Variants in CADPS2 observed in about 807,000 individuals in gnomAD.
CADPS2 encodes the protein calcium-dependent secretion activator 2.
CADPS2 carries 93 observed loss-of-function variants against 172.5 expected under a neutral mutation model. The observed-to-expected ratio is 0.54, with a 90% CI of 0.46 to 0.64. The LOEUF (loss-of-function observed/expected upper bound fraction) is 0.64, where lower values mean the gene tolerates loss of function less well. Ranked by LOEUF, CADPS2 falls within the 30% of genes least tolerant of loss-of-function variation. CADPS2 has a pLI of 0.00. For synonymous variants in CADPS2, 546 were observed against 555.2 expected, an observed-to-expected ratio of 0.98 and a Z score of 0.23; for missense variants, 1,420 against 1,565.9, an observed-to-expected ratio of 0.91 and a Z score of 1.57.
chr7:122,464,374 T>C (rs2054867318), intron 14 of CADPS2, among the ~76,000 whole-genome samples: 1 of 152,146 alleles, frequency 6.6e-6, no homozygotes, highest in Non-Finnish European at 1.5e-5. Context: ...AATGGTTAAA[T>C]AAATAAATTG....
At chr7:122,564,868 C>CACAT (rs1250847965) in intron 7 of CADPS2, among the ~76,000 whole-genome samples, 1 of 151,506 alleles carries the variant, frequency 6.6e-6, no homozygotes, top group Non-Finnish European at 1.5e-5. Context: ...CACACACACA[C>CACAT]ACACACACAA....
At chr7:122,843,575 A>G (rs1248568455) in intron 1 of CADPS2, among the ~76,000 whole-genome samples, 1 of 152,216 alleles carries the variant, frequency 6.6e-6, no homozygotes, top group Non-Finnish European at 1.5e-5. Context: ...TGAGTTCTCA[A>G]ACAATGAGTC....
At position 122,569,087 on chromosome 7, in the gene CADPS2, A is replaced by T. The variant is rs1482894526; in HGVS notation, c.1335+12092T>A. Among the ~76,000 whole-genome samples, 5 of 152,194 alleles carry T rather than the reference A, an allele frequency of 3.3e-5. No individual in the cohort carries two copies. The East Asian group carries it at 9.6e-4, about 29-fold the overall frequency. Reference sequence around the variant, plus strand: ...ATCCAATTAGGAAAAGAGGAAGTCAAATTGTCCCTGTTTGCAGACGACATG... The same window carrying T: ...ATCCAATTAGGAAAAGAGGAAGTCATATTGTCCCTGTTTGCAGACGACATG... On this transcript the variant is annotated intron_variant, in intron 7 of 29. Coordinates refer to ENST00000449022, the MANE Select transcript of CADPS2 (RefSeq NM_017954.11).
intron 25 of CADPS2, among the ~76,000 whole-genome samples, chr7:122,367,550 T>TA: frequency 6.9e-6 from 1 of 144,290 alleles, no homozygotes; most frequent in East Asian, 2.1e-4. Context: ...TTTTTTTTTT[T>TA]TTTTTTTTTT....
chr7:122,329,461 C>T (rs964511893), intron 28 of CADPS2, among the ~76,000 whole-genome samples: 5 of 152,116 alleles, frequency 3.3e-5, no homozygotes, highest in African/African-American at 9.7e-5. Flanking sequence ...GTCCCAGACT[C>T]GGCAATTTTC....
chr7:122,702,012 CTTCT>C (rs1199635977), intron 2 of CADPS2: 2 of 1,613,588 alleles, frequency 1.2e-6, no homozygotes, highest in African/African-American at 1.3e-5. Context: ...TCCTCATCCC[CTTCT>C]TTGAGAACTC....
At chr7:122,364,784 A>G (rs2040643625) in intron 25 of CADPS2, among the ~76,000 whole-genome samples, 1 of 152,072 alleles carries the variant, frequency 6.6e-6, no homozygotes, top group Non-Finnish European at 1.5e-5. Flanking sequence ...ATGAGTACCT[A>G]GGATAAGACA....
chr7:122,548,927 A>G (rs1356882514), intron 8 of CADPS2, among the ~76,000 whole-genome samples: 1 of 152,222 alleles, frequency 6.6e-6, no homozygotes, highest in South Asian at 2.1e-4. Flanking sequence ...ATCTACATCC[A>G]TAATAGCTGT....
chr7:122,342,794 C>T (rs1327386378), intron 28 of CADPS2, among the ~76,000 whole-genome samples: 4 of 152,068 alleles, frequency 2.6e-5, no homozygotes, highest in Admixed American at 1.3e-4. Flanking sequence ...CATTTACTTA[C>T]TTATATAGGA....
chr7:122,816,168 A>T (rs1381259131), intron 1 of CADPS2, among the ~76,000 whole-genome samples: 3 of 99,666 alleles, frequency 3.0e-5, no homozygotes, highest in Admixed American at 1.1e-4. Context: ...ATCTTTCCCC[A>T]CCCCCACCCA....
chr7:122,652,546 T>C (rs2079275954), intron 3 of CADPS2, among the ~76,000 whole-genome samples: 1 of 152,224 alleles, frequency 6.6e-6, no homozygotes, highest in Non-Finnish European at 1.5e-5. Context: ...AAAATTAAAC[T>C]TTCCACTGAC....
chr7:122,784,280 C>T lies in CADPS2; in HGVS notation c.340-47212G>A, dbSNP rs535454331. 3.9e-5 allele frequency among the ~76,000 whole-genome samples: 6 copies of T among 152,280 alleles called. No individual in the cohort carries two copies. In the South Asian group the frequency reaches 8.3e-4, roughly 21 times the overall value. ...TATTCACCATTCCCAACTTTCAGGT[C>T]GTTGGGTACTGTTTACTTTTAGATT... is the stretch of plus-strand genomic sequence containing the variant. On this transcript the variant is annotated intron_variant, in intron 1 of 29. Transcript: ENST00000449022.
At chr7:122,821,942 C>T (rs1486197982) in intron 1 of CADPS2, among the ~76,000 whole-genome samples, 1 of 152,090 alleles carries the variant, frequency 6.6e-6, no homozygotes, top group Non-Finnish European at 1.5e-5. Flanking sequence ...CAGTCTCATT[C>T]CAGACACCAG....
intron 15 of CADPS2, among the ~76,000 whole-genome samples, chr7:122,448,083 C>T (rs1047866747): frequency 2.0e-5 from 3 of 152,084 alleles, no homozygotes; most frequent in African/African-American, 7.2e-5. Flanking sequence ...CTCCTCACAT[C>T]AAAATGAAAG....
At chr7:122,618,299 T>G (rs1460395628) in intron 5 of CADPS2, among the ~76,000 whole-genome samples, 3 of 152,274 alleles carry the variant, frequency 2.0e-5, no homozygotes, top group South Asian at 4.1e-4. Context: ...ATTTATTGAG[T>G]CAATTGTGTG....
At chr7:122,795,964 T>A (rs536807919) in intron 1 of CADPS2, among the ~76,000 whole-genome samples, 1 of 152,036 alleles carries the variant, frequency 6.6e-6, no homozygotes, top group Non-Finnish European at 1.5e-5. Context: ...GAAAACCCCA[T>A]AGCATCAGCC....
At chr7:122,664,059 A>T (rs2080905980) in intron 2 of CADPS2, among the ~76,000 whole-genome samples, 1 of 131,030 alleles carries the variant, frequency 7.6e-6, no homozygotes. Flanking sequence ...ACCATTGTTT[A>T]TAAGCAAAAA....
At chr7:122,320,992 CATTTTTTCTT>C (rs2032334312) in intron 29 of CADPS2, among the ~76,000 whole-genome samples, 2 of 152,182 alleles carry the variant, frequency 1.3e-5, no homozygotes, top group South Asian at 4.1e-4. Context: ...CAAGTATTTA[CATTTTTTCTT>C]AAAAGAATAC....
chr7:122,768,443 G>A (rs548988209), intron 1 of CADPS2, among the ~76,000 whole-genome samples: 2 of 152,212 alleles, frequency 1.3e-5, no homozygotes, highest in South Asian at 2.1e-4. Flanking sequence ...AAATATGGGA[G>A]GCAAATATAT....
Sources: allele counts gnomAD v4.1 joint callset (sites outside exome capture counted in the v4.1 genomes callset), GRCh38; gene constraint gnomAD v4.1.1; transcripts MANE v1.5; gene names NCBI Gene and HGNC (gene_info 2026-07-23, HGNC 2026-07-21).